The following PEPD variants were observed in gnomAD, a reference collection of about 807,000 sequenced individuals.
PEPD encodes the protein peptidase D, also known as xaa-Pro dipeptidase.
PEPD carries 53 observed loss-of-function variants against 60.7 expected under a neutral mutation model. The ratio of observed to expected loss-of-function variants is 0.87; its 90% CI spans 0.70 to 1.10. The LOEUF (loss-of-function observed/expected upper bound fraction) is 1.10, where lower values mean the gene tolerates loss of function less well. Ranked by LOEUF, PEPD falls within the 50% of genes least tolerant of loss-of-function variation. The pLI is 0.00. For missense variants in PEPD, 711 were observed against 711.9 expected (o/e 1.00, Z 0.01); for synonymous variants, 267 against 284.1 (o/e 0.94, Z 0.60).
At chr19:33,444,819 C>T (rs1368713705) in intron 9 of PEPD, among the ~76,000 whole-genome samples, 3 of 152,124 alleles carry the variant, frequency 2.0e-5, no homozygotes, top group Non-Finnish European at 4.4e-5. Flanking sequence ...CCATGTCTCT[C>T]TCCACGTGGC....
intron 12 of PEPD, among the ~76,000 whole-genome samples, chr19:33,397,341 A>G (rs1968388798): frequency 6.6e-6 from 1 of 150,702 alleles, no homozygotes; most frequent in Non-Finnish European, 1.5e-5. Context: ...GGAAGGTCAC[A>G]GGATGCAGTC....
At chr19:33,437,765 G>A (rs1406959092) in intron 9 of PEPD, among the ~76,000 whole-genome samples, 2 of 152,232 alleles carry the variant, frequency 1.3e-5, no homozygotes, top group African/African-American at 2.4e-5. Context: ...AGACTTGGGG[G>A]GGCGGTGGTG....
intron 9 of PEPD, among the ~76,000 whole-genome samples, chr19:33,446,894 T>G (rs2145244126): frequency 6.6e-6 from 1 of 152,334 alleles, no homozygotes; most frequent in African/African-American, 2.4e-5. Flanking sequence ...CTAGCCCCTC[T>G]TATCTTGCTG....
intron 9 of PEPD, among the ~76,000 whole-genome samples, chr19:33,443,892 C>A (rs1366318819): frequency 6.6e-6 from 1 of 151,618 alleles, no homozygotes; most frequent in Non-Finnish European, 1.5e-5. Flanking sequence ...CACACACACA[C>A]AGTATCCTCA....
chr19:33,413,919 C>T (rs1047439146), intron 9 of PEPD, among the ~76,000 whole-genome samples: 6 of 152,246 alleles, frequency 3.9e-5, no homozygotes, highest in Non-Finnish European at 7.3e-5. Flanking sequence ...CCACTGACTG[C>T]CATGGCGAGT....
chr19:33,486,395 C>T (rs16968199), intron 6 of PEPD, among the ~76,000 whole-genome samples: 13,734 of 152,020 alleles, frequency 0.09, 648 homozygotes, highest in Middle Eastern at 0.13. Context: ...AAGCCACACA[C>T]GGAACTGCTG....
chr19:33,464,339 G>A (rs1262253037), intron 7 of PEPD, among the ~76,000 whole-genome samples: 1 of 152,192 alleles, frequency 6.6e-6, no homozygotes, highest in Non-Finnish European at 1.5e-5. Context: ...CGCTGCGGTG[G>A]GAGAAGAAGC....
At chr19:33,393,017 C>A (rs562407021) in intron 12 of PEPD, among the ~76,000 whole-genome samples, 1 of 152,274 alleles carries the variant, frequency 6.6e-6, no homozygotes, top group Non-Finnish European at 1.5e-5. Context: ...CACAGCACAG[C>A]GCCCCAGCCA....
intron 8 of PEPD, among the ~76,000 whole-genome samples, chr19:33,463,652 C>T (rs1969969636): frequency 6.6e-6 from 1 of 152,156 alleles, no homozygotes; most frequent in Admixed American, 6.5e-5. Flanking sequence ...ACAAAAGATT[C>T]TTTAAAATGA....
intron 9 of PEPD, among the ~76,000 whole-genome samples, chr19:33,461,797 G>C (rs759961437): frequency 1.3e-5 from 2 of 152,180 alleles, no homozygotes; most frequent in Admixed American, 6.5e-5. Flanking sequence ...CCACGCAGAC[G>C]CAAGTGCTGG....
chr19:33,496,760 G>A (rs965667561), intron 4 of PEPD, among the ~76,000 whole-genome samples: 2 of 152,260 alleles, frequency 1.3e-5, no homozygotes, highest in African/African-American at 4.8e-5. Flanking sequence ...GGCCTCTCTG[G>A]CAGATGGAGC....
Position 33,489,240 on chromosome 19 carries a change from A to G in PEPD, c.503+756T>C, listed in dbSNP as rs1366454202. Reference sequence around the variant, plus strand: ...GCCTGGCGCTTGGTTAAGAGTGAGAAGAGGTTAAAGGGATCCTGCCTGGGA... The same window carrying G: ...GCCTGGCGCTTGGTTAAGAGTGAGAGGAGGTTAAAGGGATCCTGCCTGGGA... On this transcript the variant is annotated intron_variant, in intron 6 of 14. Transcript: ENST00000244137. 2.6e-5 allele frequency among the ~76,000 whole-genome samples: 4 copies of G among 152,298 alleles called. No homozygotes were observed. In the East Asian group the frequency reaches 7.7e-4, roughly 29 times the overall value.
intron 9 of PEPD, among the ~76,000 whole-genome samples, chr19:33,428,564 A>G (rs973148026): frequency 7.9e-5 from 12 of 152,172 alleles, no homozygotes; most frequent in Non-Finnish European, 1.2e-4. Flanking sequence ...GCCAGTTACC[A>G]TCCAAAACCA....
At chr19:33,458,351 T>A (rs1370209476) in intron 9 of PEPD, among the ~76,000 whole-genome samples, 1 of 148,174 alleles carries the variant, frequency 6.7e-6, no homozygotes, top group African/African-American at 2.5e-5. Context: ...TAGGTGCATG[T>A]GGCATGAGAC....
intron 4 of PEPD, among the ~76,000 whole-genome samples, chr19:33,498,483 A>G (rs2145331390): frequency 6.6e-6 from 1 of 152,276 alleles, no homozygotes; most frequent in South Asian, 2.1e-4. Flanking sequence ...ATTTTCCCCC[A>G]GTTATAAAGA....
intron 9 of PEPD, among the ~76,000 whole-genome samples, chr19:33,419,224 C>T (rs576574771): frequency 2.6e-5 from 4 of 152,292 alleles, no homozygotes; most frequent in Admixed American, 2.6e-4. Context: ...TGAAGTCACA[C>T]TCCTGGAGCC....
chr19:33,504,198 T>C (rs1260711682), intron 3 of PEPD, among the ~76,000 whole-genome samples: 2 of 152,246 alleles, frequency 1.3e-5, no homozygotes, highest in Middle Eastern at 3.2e-3. Flanking sequence ...CTAAGGGATA[T>C]GCGTGCCAGA....
At chr19:33,509,333 T>G (rs1970877589) in intron 3 of PEPD, among the ~76,000 whole-genome samples, 2 of 152,176 alleles carry the variant, frequency 1.3e-5, no homozygotes, top group Admixed American at 6.5e-5. Flanking sequence ...AACAGTCCCC[T>G]TTTCTTCTGC....
chr19:33,492,411 T>C (rs995403182), intron 5 of PEPD, among the ~76,000 whole-genome samples: 2 of 152,166 alleles, frequency 1.3e-5, no homozygotes, highest in Admixed American at 1.3e-4. Flanking sequence ...TTAGTTTTCA[T>C]GGGTAGATAT....
Sources: allele counts gnomAD v4.1 joint callset (sites outside exome capture counted in the v4.1 genomes callset), GRCh38; gene constraint gnomAD v4.1.1; transcripts MANE v1.5; gene names NCBI Gene and HGNC (gene_info 2026-07-23, HGNC 2026-07-21).